The following ADAMTSL3 variants were observed in gnomAD, a reference collection of about 807,000 sequenced individuals.
ADAMTSL3 encodes ADAMTS like 3, also known as ADAMTS-like protein 3.
Under a neutral mutation model 201.7 loss-of-function variants are expected in ADAMTSL3, and 128 were observed. That is an observed-to-expected ratio of 0.63 (90% CI 0.55 to 0.73). The LOEUF is 0.73. Among genes scored for constraint, ADAMTSL3 ranks in the 30% least tolerant of loss-of-function variants. The probability of loss-of-function intolerance (pLI) is 0.00; values close to 1 mark genes in which losing one functional copy is unlikely to be tolerated. For synonymous variants in ADAMTSL3, 738 were observed against 748.4 expected (o/e 0.99, Z 0.23); for missense variants, 1,990 against 2,119.6 (o/e 0.94, Z 1.20).
intron 27 of ADAMTSL3, chr15:84,025,692 G>T: frequency 3.1e-6 from 1 of 322,054 alleles, no homozygotes; most frequent in Non-Finnish European, 5.8e-6. Flanking sequence ...AGTTAGACCA[G>T]TTTAGGGCAG....
chr15:83,670,482 A>G (rs1395152813), intron 2 of ADAMTSL3, among the ~76,000 whole-genome samples: 1 of 150,438 alleles, frequency 6.6e-6, no homozygotes, highest in African/African-American at 2.4e-5. Flanking sequence ...AATGCATTTT[A>G]TATTATGACC....
At chr15:84,020,755 G>A (rs1382625240) in intron 25 of ADAMTSL3, among the ~76,000 whole-genome samples, 1 of 152,178 alleles carries the variant, frequency 6.6e-6, no homozygotes, top group African/African-American at 2.4e-5. Flanking sequence ...AGGCTGTTTG[G>A]AATAGGGATT....
chr15:83,793,459 GTGTTGTTGTTGTTGT>G lies in ADAMTSL3; in HGVS notation c.318-11171_318-11157del, dbSNP rs57822593. 4.7e-4 allele frequency among the ~76,000 whole-genome samples: 71 copies of G among 150,536 alleles called. 1 individual carries two copies. Among genetic ancestry groups the G allele is most frequent in the South Asian group, 2.1e-4 (1 of 4,744 alleles). ...AATACATACAATTTTATCTGTTGGTGTGTTGTTGTTGTTGTTGTTGTTGTTGTTGTTGTTTGAGAT... is the reference window on the plus strand; with the variant it reads ...AATACATACAATTTTATCTGTTGGTGTGTTGTTGTTGTTGTTGTTTGAGAT... On this transcript the variant is annotated intron_variant, in intron 4 of 29. Coordinates refer to ENST00000286744, the MANE Select transcript of ADAMTSL3 (RefSeq NM_207517.3).
At chr15:83,791,514 A>T (rs926983985) in intron 4 of ADAMTSL3, among the ~76,000 whole-genome samples, 1 of 152,188 alleles carries the variant, frequency 6.6e-6, no homozygotes, top group Non-Finnish European at 1.5e-5. Flanking sequence ...TGGTGTTGGG[A>T]AAACTAGATA....
chr15:83,917,417 G>GTGTATGTATGTA (rs56329675), intron 16 of ADAMTSL3, among the ~76,000 whole-genome samples: 42 of 146,636 alleles, frequency 2.9e-4, no homozygotes, highest in Non-Finnish European at 5.4e-4. Flanking sequence ...TCCAAAGTGT[G>GTGTATGTATGTA]TGTATGTATG....
At chr15:83,737,507 C>T (rs562681509) in intron 3 of ADAMTSL3, among the ~76,000 whole-genome samples, 3 of 152,264 alleles carry the variant, frequency 2.0e-5, no homozygotes, top group South Asian at 2.1e-4. Context: ...CCTGCCACCA[C>T]GTATGACATG....
rs1434860805 is a variant in ADAMTSL3 at position 84,039,132 on chromosome 15, T to A, written c.*1326T>A. ...TTTCCCCTGTATACTACCAGTTGTG[T>A]CTTTAGATGGCACACAAGTCCAAAT... On this transcript the variant is annotated 3_prime_UTR_variant, in exon 30 of 30. Coordinates refer to ENST00000286744, the MANE Select transcript of ADAMTSL3 (RefSeq NM_207517.3). 1 of 152,466 alleles carries A rather than the reference T, an allele frequency of 6.6e-6. No individual in the cohort carries two copies. Among genetic ancestry groups the A allele is most frequent in the Non-Finnish European group, 1.5e-5 (1 of 68,056 alleles). 9.4% of individuals were successfully genotyped at this position (152,466 alleles called of 1,614,324 possible). A position where few individuals can be genotyped will look rare whatever the true frequency, so the allele number is the denominator to read the frequency against.
chr15:83,917,973 A>T (rs1596404037), intron 16 of ADAMTSL3, among the ~76,000 whole-genome samples: 1 of 152,200 alleles, frequency 6.6e-6, no homozygotes, highest in East Asian at 1.9e-4. Flanking sequence ...CATTCCTCTT[A>T]TATTGGAATG....
intron 3 of ADAMTSL3, among the ~76,000 whole-genome samples, chr15:83,707,230 G>A (rs1000175076): frequency 3.3e-5 from 5 of 152,162 alleles, no homozygotes. Flanking sequence ...CTATGAAATG[G>A]AGATTTGGAT....
intron 14 of ADAMTSL3, among the ~76,000 whole-genome samples, chr15:83,898,755 T>A (rs896264479): frequency 6.6e-6 from 1 of 152,142 alleles, no homozygotes; most frequent in African/African-American, 2.4e-5. Context: ...GAAAAGATTA[T>A]TCCCAACTAT....
chr15:83,689,437 C>A (rs527477478), intron 2 of ADAMTSL3, among the ~76,000 whole-genome samples: 9 of 152,252 alleles, frequency 5.9e-5, no homozygotes, highest in African/African-American at 1.9e-4. Context: ...GTATGTATCC[C>A]TAAATAATAT....
chr15:83,792,319 G>A (rs1179683471), intron 4 of ADAMTSL3, among the ~76,000 whole-genome samples: 1 of 152,090 alleles, frequency 6.6e-6, no homozygotes, highest in Non-Finnish European at 1.5e-5. Context: ...TCAGGGAAAT[G>A]CAACCTAAAC....
intron 2 of ADAMTSL3, among the ~76,000 whole-genome samples, chr15:83,674,789 A>ATATATATATAT (rs1283432862): frequency 1.9e-4 from 26 of 134,298 alleles, no homozygotes; most frequent in Non-Finnish European, 3.4e-4. Context: ...ATATATATAT[A>ATATATATATAT]AATCTTGCTG....
At chr15:83,692,910 C>T (rs1159598647) in intron 2 of ADAMTSL3, among the ~76,000 whole-genome samples, 3 of 152,116 alleles carry the variant, frequency 2.0e-5, no homozygotes, top group African/African-American at 4.8e-5. Context: ...TGCATGATTT[C>T]AGCCACACAG....
chr15:83,894,695 T>G (rs527829498), intron 13 of ADAMTSL3, among the ~76,000 whole-genome samples: 1 of 152,280 alleles, frequency 6.6e-6, no homozygotes, highest in South Asian at 2.1e-4. Context: ...CTATTCTACT[T>G]CTCTCCAAGA....
At chr15:83,841,928 A>G (rs1488677020) in intron 7 of ADAMTSL3, among the ~76,000 whole-genome samples, 1 of 151,768 alleles carries the variant, frequency 6.6e-6, no homozygotes, top group Non-Finnish European at 1.5e-5. Context: ...CAGGCCATTG[A>G]CAGTGGAACG....
At position 83,801,651 on chromosome 15, in the gene ADAMTSL3, A is replaced by ATAT. The variant is rs2063518564; in HGVS notation, c.318-2999_318-2998insTAT. Among the ~76,000 whole-genome samples, 71 of 31,194 alleles carry ATAT rather than the reference A, an allele frequency of 2.3e-3. 2 individuals carry two copies. The highest frequency in any genetic ancestry group is 3.9e-3 in the Non-Finnish European group (58 of 14,912). 20.5% of individuals were successfully genotyped at this position (31,194 alleles called of 152,430 possible). A position where few individuals can be genotyped will look rare whatever the true frequency, so the allele number is the denominator to read the frequency against. The stretch of plus-strand genomic sequence containing the variant: ...TTATATATATAAATATATAAATATA[A>ATAT]ATATATATATATATATATATATATA... On this transcript the variant is annotated intron_variant, in intron 4 of 29. Transcript: ENST00000286744.
chr15:83,927,602 T>G (rs1017954349), intron 17 of ADAMTSL3, among the ~76,000 whole-genome samples: 1 of 152,210 alleles, frequency 6.6e-6, no homozygotes, highest in African/African-American at 2.4e-5. Flanking sequence ...AATGTGCTAA[T>G]AAATATATAA....
chr15:83,972,425 G>A (rs117896393), intron 20 of ADAMTSL3, among the ~76,000 whole-genome samples: 30 of 152,150 alleles, frequency 2.0e-4, no homozygotes, highest in Admixed American at 1.4e-3. Flanking sequence ...TATTAATTGC[G>A]GATGGTTGCA....
Sources: allele counts gnomAD v4.1 joint callset (sites outside exome capture counted in the v4.1 genomes callset), GRCh38; gene constraint gnomAD v4.1.1; transcripts MANE v1.5; gene names NCBI Gene and HGNC (gene_info 2026-07-23, HGNC 2026-07-21).